Variants in PDE1A observed in about 807,000 individuals in gnomAD.
PDE1A encodes the protein phosphodiesterase 1A, also known as dual specificity calcium/calmodulin-dependent 3',5'-cyclic nucleotide phosphodiesterase 1A.
Under a neutral mutation model 61.7 loss-of-function variants are expected in PDE1A, and 35 were observed. The ratio of observed to expected loss-of-function variants is 0.57; its 90% CI spans 0.43 to 0.75. PDE1A has a LOEUF of 0.75. PDE1A is among the 30% of genes least tolerant of loss of function. The pLI, the probability that PDE1A is intolerant of heterozygous loss-of-function variation, is 0.00. For missense variants in PDE1A, 597 were observed against 630.6 expected (o/e 0.95, Z 0.57); for synonymous variants, 232 against 213.2 (o/e 1.09, Z -0.77).
chr2:182,413,807 T>A (rs1405143960), intron 1 of PDE1A, among the ~76,000 whole-genome samples: 3 of 152,188 alleles, frequency 2.0e-5, no homozygotes, highest in Admixed American at 2.0e-4. Flanking sequence ...TCTGTGTGTG[T>A]CTGTGTGTTT....
chr2:182,605,058 G>T, the PDE1A span, among the ~76,000 whole-genome samples: 7 of 149,926 alleles, frequency 4.7e-5, no homozygotes, highest in South Asian at 2.1e-4. Context: ...TTTTAATCAT[G>T]TTCCTTGGTG....
At chr2:182,618,358 G>A in the PDE1A span, among the ~76,000 whole-genome samples, 1 of 152,126 alleles carries the variant, frequency 6.6e-6, no homozygotes, top group African/African-American at 2.4e-5. Context: ...ATTTTAATAA[G>A]ATATGAATAG....
At chr2:182,332,791 G>T (rs112185798) in intron 1 of PDE1A, among the ~76,000 whole-genome samples, 1,690 of 152,144 alleles carry the variant, frequency 0.011, 25 homozygotes, top group South Asian at 0.069. Context: ...ACCCCTGCTG[G>T]GAGGTGCCTC....
chr2:182,311,553 C>T (rs1051676490), intron 1 of PDE1A, among the ~76,000 whole-genome samples: 1 of 152,178 alleles, frequency 6.6e-6, no homozygotes, highest in Non-Finnish European at 1.5e-5. Flanking sequence ...TCTAAAATGT[C>T]ATATAAATGG....
chr2:182,399,655 T>G (rs1701893144), intron 1 of PDE1A, among the ~76,000 whole-genome samples: 1 of 152,086 alleles, frequency 6.6e-6, no homozygotes, highest in Non-Finnish European at 1.5e-5. Flanking sequence ...AGAGTCTCAC[T>G]CCTATTTTTT....
the PDE1A span, among the ~76,000 whole-genome samples, chr2:182,649,031 A>G: frequency 6.6e-6 from 1 of 152,220 alleles, no homozygotes; most frequent in Non-Finnish European, 1.5e-5. Context: ...ATGGGAATGT[A>G]GAATGGAAAA....
intron 1 of PDE1A, among the ~76,000 whole-genome samples, chr2:182,397,223 T>C (rs1701756035): frequency 6.6e-6 from 1 of 152,178 alleles, no homozygotes; most frequent in Non-Finnish European, 1.5e-5. Context: ...ATAATGAACC[T>C]AACATATTTG....
intron 1 of PDE1A, among the ~76,000 whole-genome samples, chr2:182,366,909 G>A (rs180841847): frequency 1.2e-4 from 18 of 152,112 alleles, no homozygotes; most frequent in South Asian, 4.1e-4. Flanking sequence ...AAGCATCATC[G>A]TCACAAGCTT....
chr2:182,630,648 A>T, the PDE1A span, among the ~76,000 whole-genome samples: 1 of 152,178 alleles, frequency 6.6e-6, no homozygotes, highest in Non-Finnish European at 1.5e-5. Context: ...TTTAAAATGA[A>T]TTTCATTTTT....
At chr2:182,522,528 G>T in intron 1 of PDE1A, 1 of 1,450,168 alleles carries the variant, frequency 6.9e-7, no homozygotes, top group Non-Finnish European at 9.1e-7. Context: ...GACTCTGACA[G>T]ATTTGCTATT....
intron 1 of PDE1A, among the ~76,000 whole-genome samples, chr2:182,398,793 C>T (rs1008504875): frequency 6.6e-6 from 1 of 151,944 alleles, no homozygotes; most frequent in Non-Finnish European, 1.5e-5. Flanking sequence ...TGGCTTGAAT[C>T]CTGTAGATAC....
At chr2:182,695,270 C>T in the PDE1A span, among the ~76,000 whole-genome samples, 1 of 151,998 alleles carries the variant, frequency 6.6e-6, no homozygotes, top group Non-Finnish European at 1.5e-5. Flanking sequence ...AGAGGGCAAA[C>T]CACTGCCCCC....
the PDE1A span, among the ~76,000 whole-genome samples, chr2:182,571,526 T>A: frequency 6.6e-6 from 1 of 152,124 alleles, no homozygotes; most frequent in South Asian, 2.1e-4. Context: ...GATGTCTCTC[T>A]CTACATCATT....
At chr2:182,168,110 C>T (rs1691765419) in exon 14 of PDE1A, 8 of 1,383,882 alleles carry the variant, frequency 5.8e-6, no homozygotes, top group Non-Finnish European at 7.5e-6. Flanking sequence ...GCTCATGATG[C>T]TTATTGAGCA....
the PDE1A span, among the ~76,000 whole-genome samples, chr2:182,568,632 TC>T: frequency 6.6e-6 from 1 of 152,198 alleles, no homozygotes; most frequent in African/African-American, 2.4e-5. Flanking sequence ...ACCACTGCCC[TC>T]CAGCCTGGGT....
chr2:182,552,142 C>A, the PDE1A span, among the ~76,000 whole-genome samples: 100 of 152,184 alleles, frequency 6.6e-4, 3 homozygotes, highest in East Asian at 0.01. Flanking sequence ...CATAATGAAC[C>A]CAAATATTCC....
intron 2 of PDE1A, among the ~76,000 whole-genome samples, chr2:182,440,257 AC>A (rs1684702547): frequency 6.6e-6 from 1 of 152,098 alleles, no homozygotes; most frequent in Non-Finnish European, 1.5e-5. Flanking sequence ...ATAGAAACTC[AC>A]ATATTCTGTG....
chr2:182,143,700 A>G (rs150640210), downstream of PDE1A, among the ~76,000 whole-genome samples: 481 of 152,184 alleles, frequency 3.2e-3, 3 homozygotes, highest in African/African-American at 0.011. Flanking sequence ...TATTTTTAGT[A>G]GACACGGGGT....
chr2:182,409,335 AT>A (rs1321333444), intron 1 of PDE1A, among the ~76,000 whole-genome samples: 1 of 152,208 alleles, frequency 6.6e-6, no homozygotes, highest in Admixed American at 6.5e-5. Context: ...TACAAACTTA[AT>A]TAGATAACCA....
Sources: gnomAD v4.1 joint callset for allele counts (sites outside exome capture counted in the v4.1 genomes callset) on GRCh38, gnomAD v4.1.1 for gene constraint, MANE v1.5 for transcripts, NCBI Gene and HGNC (gene_info 2026-07-23, HGNC 2026-07-21) for gene names.